The following PCDHA3 variants were observed in gnomAD, a reference collection of about 807,000 sequenced individuals.
PCDHA3 encodes protocadherin alpha-3.
A neutral mutation model predicts 62.2 loss-of-function variants in PCDHA3; 41 were observed. The observed-to-expected ratio is 0.66, with a 90% CI of 0.51 to 0.86. The LOEUF (loss-of-function observed/expected upper bound fraction) is 0.86, where lower values mean the gene tolerates loss of function less well. Among genes scored for constraint, PCDHA3 ranks in the 40% least tolerant of loss-of-function variants. PCDHA3 has a pLI of 0.00. For synonymous variants in PCDHA3, 640 were observed against 555.4 expected (o/e 1.15, Z -2.14); for missense variants, 1,304 against 1,241.2 (o/e 1.05, Z -0.76).
chr5:140,820,875 A>C (rs2150108216), intron 1 of PCDHA3, among the ~76,000 whole-genome samples: 8 of 152,070 alleles, frequency 5.3e-5, no homozygotes, highest in Non-Finnish European at 1.2e-4. Context: ...TCTAATTTGA[A>C]AATAGTGCAA....
intron 1 of PCDHA3, chr5:140,871,406 T>A: frequency 6.2e-7 from 1 of 1,614,032 alleles, no homozygotes; most frequent in African/African-American, 1.3e-5. Context: ...AAGACGGACC[T>A]CATGGCCTTC....
chr5:140,835,753 A>G, intron 1 of PCDHA3: 1 of 1,613,416 alleles, frequency 6.2e-7, no homozygotes, highest in Non-Finnish European at 8.5e-7. Context: ...GCGTTCGCGC[A>G]GCCCGAGTAT....
intron 1 of PCDHA3, chr5:140,869,196 C>G (rs2050913789): frequency 6.2e-7 from 1 of 1,614,030 alleles, no homozygotes; most frequent in Non-Finnish European, 8.5e-7. Flanking sequence ...GCGGCCAGCT[C>G]CACTACTCCG....
intron 1 of PCDHA3, among the ~76,000 whole-genome samples, chr5:140,947,396 A>G (rs113635864): frequency 6.6e-6 from 1 of 151,710 alleles, no homozygotes; most frequent in Non-Finnish European, 1.5e-5. Flanking sequence ...CACTAAAAGT[A>G]GACTGTCTTG....
At chr5:140,931,975 T>C (rs2087911858) in intron 1 of PCDHA3, among the ~76,000 whole-genome samples, 1 of 151,962 alleles carries the variant, frequency 6.6e-6, no homozygotes, top group Non-Finnish European at 1.5e-5. Flanking sequence ...CATATGTGTT[T>C]ATATTTTGCT....
intron 1 of PCDHA3, among the ~76,000 whole-genome samples, chr5:140,831,552 G>T (rs2150196212): frequency 7.2e-6 from 1 of 139,216 alleles, no homozygotes; most frequent in Non-Finnish European, 1.5e-5. Flanking sequence ...TTTAAGAGAT[G>T]GGGTTTCTCC....
At chr5:140,924,992 G>T (rs1383717650) in intron 1 of PCDHA3, among the ~76,000 whole-genome samples, 3 of 151,676 alleles carry the variant, frequency 2.0e-5, no homozygotes, top group African/African-American at 7.3e-5. Context: ...TGTAATCCTA[G>T]CACTTTAGGA....
intron 1 of PCDHA3, chr5:140,866,579 G>A (rs2049440989): frequency 6.6e-6 from 1 of 152,136 alleles, no homozygotes; most frequent in African/African-American, 2.4e-5. Context: ...ACAGTGGTTG[G>A]ATAATGTAAT....
intron 1 of PCDHA3, chr5:140,875,776 T>G: frequency 6.2e-7 from 1 of 1,613,910 alleles, no homozygotes; most frequent in Non-Finnish European, 8.5e-7. Context: ...GAGCGCGGAG[T>G]GCAGTATCCA....
At chr5:140,927,470 G>T in intron 1 of PCDHA3, 3 of 1,614,054 alleles carry the variant, frequency 1.9e-6, no homozygotes, top group South Asian at 2.2e-5. Flanking sequence ...GCACTGGATC[G>T]CGAACAGCGC....
At chr5:140,979,563 C>T (rs1480899524) in intron 2 of PCDHA3, among the ~76,000 whole-genome samples, 1 of 152,174 alleles carries the variant, frequency 6.6e-6, no homozygotes, top group African/African-American at 2.4e-5. Context: ...GAAGATGAGC[C>T]ATGTAAAGGG....
At chr5:140,840,106 C>T (rs1776564749) in intron 1 of PCDHA3, among the ~76,000 whole-genome samples, 1 of 151,740 alleles carries the variant, frequency 6.6e-6, no homozygotes, top group South Asian at 2.1e-4. Context: ...TTAGTGAAAT[C>T]GAGTGAAAGC....
chr5:140,807,937 A>G, intron 1 of PCDHA3: 1 of 1,614,110 alleles, frequency 6.2e-7, no homozygotes, highest in Non-Finnish European at 8.5e-7. Context: ...ATAAGGTGAG[A>G]TTACTAGAAA....
intron 1 of PCDHA3, chr5:140,816,978 A>C (rs1367187399): frequency 6.6e-6 from 1 of 152,086 alleles, no homozygotes; most frequent in Non-Finnish European, 1.5e-5. Flanking sequence ...GCCCACTAAA[A>C]TTCAGGAACT....
chr5:140,937,795 C>T (rs1472022589), intron 1 of PCDHA3, among the ~76,000 whole-genome samples: 1 of 151,670 alleles, frequency 6.6e-6, no homozygotes, highest in Non-Finnish European at 1.5e-5. Context: ...GTATGTAGTC[C>T]CAGCTACTCG....
intron 1 of PCDHA3, chr5:140,969,445 A>G (rs2096331821): frequency 1.9e-6 from 3 of 1,542,150 alleles, no homozygotes; most frequent in Non-Finnish European, 2.6e-6. Context: ...TATCTGGTAA[A>G]CTGAGTATAT....
intron 1 of PCDHA3, among the ~76,000 whole-genome samples, chr5:140,805,996 G>A (rs1467365068): frequency 4.6e-5 from 7 of 152,040 alleles, no homozygotes; most frequent in African/African-American, 1.7e-4. Flanking sequence ...TTCCAAAAAA[G>A]GACACACATA....
intron 1 of PCDHA3, among the ~76,000 whole-genome samples, chr5:140,910,875 C>A (rs1224657424): frequency 4.6e-5 from 7 of 152,184 alleles, no homozygotes; most frequent in Non-Finnish European, 7.3e-5. Flanking sequence ...TTATCCCACA[C>A]CCTTAATATC....
At chr5:140,905,202 T>C (rs1554191944) in intron 1 of PCDHA3, among the ~76,000 whole-genome samples, 1 of 152,196 alleles carries the variant, frequency 6.6e-6, no homozygotes, top group Non-Finnish European at 1.5e-5. Flanking sequence ...CCATCTTGAG[T>C]TGATTTTTGT....
Sources: gnomAD v4.1 joint callset for allele counts (sites outside exome capture counted in the v4.1 genomes callset) on GRCh38, gnomAD v4.1.1 for gene constraint, MANE v1.5 for transcripts, NCBI Gene and HGNC (gene_info 2026-07-23, HGNC 2026-07-21) for gene names.